The following CDH13 variants were observed in gnomAD, a reference collection of about 807,000 sequenced individuals.
The protein encoded by CDH13 is cadherin 13.
Under a neutral mutation model 63.8 loss-of-function variants are expected in CDH13, and 24 were observed. The ratio of observed to expected loss-of-function variants is 0.38; its 90% confidence interval spans 0.27 to 0.53. The LOEUF (loss-of-function observed/expected upper bound fraction) is 0.53, where lower values mean the gene tolerates loss of function less well. CDH13 is among the 20% of genes least tolerant of loss of function. The probability of loss-of-function intolerance (pLI) is 0.85; values close to 1 mark genes in which losing one functional copy is unlikely to be tolerated. For missense variants in CDH13, 1,049 were observed against 903.1 expected, an observed-to-expected ratio of 1.16 and a Z score of -2.07; for synonymous variants, 503 against 355.3, an observed-to-expected ratio of 1.42 and a Z score of -4.67.
At chr16:82,825,120 C>G (rs796326638) in intron 1 of CDH13, 9 of 152,272 alleles carry the variant, frequency 5.9e-5, no homozygotes, top group African/African-American at 2.2e-4. Context: ...AATCTCTCCA[C>G]TTTGATGTTT....
chr16:82,769,479 T>G (rs111527671), intron 1 of CDH13, among the ~76,000 whole-genome samples: 22 of 152,324 alleles, frequency 1.4e-4, no homozygotes, highest in African/African-American at 5.3e-4. Flanking sequence ...AAATAAAGGC[T>G]GATACCTCTG....
chr16:83,207,002 A>C (rs1441767626), intron 4 of CDH13, among the ~76,000 whole-genome samples: 3 of 152,248 alleles, frequency 2.0e-5, no homozygotes, highest in African/African-American at 7.2e-5. Flanking sequence ...TCTGGAAAGC[A>C]ACATAAAAGC....
intron 3 of CDH13, among the ~76,000 whole-genome samples, chr16:83,117,434 C>T (rs2035358687): frequency 6.6e-6 from 1 of 152,242 alleles, no homozygotes; most frequent in East Asian, 1.9e-4. Flanking sequence ...TCTTGCCTCC[C>T]TGTCTAAAAC....
chr16:83,689,205 C>T (rs1904605452), intron 10 of CDH13, among the ~76,000 whole-genome samples: 1 of 151,988 alleles, frequency 6.6e-6, no homozygotes, highest in African/African-American at 2.4e-5. Context: ...GAAATTAATC[C>T]TCAGAACCAA....
chr16:83,274,390 A>G (rs1056507719), intron 5 of CDH13, among the ~76,000 whole-genome samples: 3 of 152,090 alleles, frequency 2.0e-5, no homozygotes, highest in African/African-American at 4.8e-5. Flanking sequence ...GCCACTCATT[A>G]TTTGGCTCCT....
chr16:82,896,903 C>T (rs1257372434), intron 2 of CDH13, among the ~76,000 whole-genome samples: 1 of 151,326 alleles, frequency 6.6e-6, no homozygotes, highest in Admixed American at 6.6e-5. Context: ...GCCTCAGCCT[C>T]CCCAGTCGCT....
At chr16:83,386,230 A>G (rs184672020) in intron 6 of CDH13, among the ~76,000 whole-genome samples, 3 of 152,326 alleles carry the variant, frequency 2.0e-5, no homozygotes, top group Admixed American at 2.0e-4. Flanking sequence ...CCAGAGCCAC[A>G]TGGAGAAAAG....
intron 6 of CDH13, among the ~76,000 whole-genome samples, chr16:83,410,354 CTT>C (rs925073164): frequency 6.6e-6 from 1 of 152,102 alleles, no homozygotes; most frequent in Admixed American, 6.6e-5. Context: ...CTTTTTATCT[CTT>C]ATACAGCAAT....
chr16:82,793,447 A>G (rs963708546), intron 1 of CDH13, among the ~76,000 whole-genome samples: 7 of 127,398 alleles, frequency 5.5e-5, no homozygotes, highest in Admixed American at 1.5e-4. Flanking sequence ...TTCTTTATAG[A>G]GGTGAAAAAA....
At position 82,858,171 on chromosome 16, in the gene CDH13, A is replaced by T. The variant is rs148513149; in HGVS notation, c.46-191A>T. 6.8e-4 allele frequency among the ~76,000 whole-genome samples: 103 copies of T among 152,356 alleles called. No individual in the cohort carries two copies. In the East Asian group the frequency reaches 0.018, roughly 27 times the overall value. On this transcript the variant is annotated intron_variant, in intron 1 of 13. Coordinates refer to ENST00000567109, the MANE Select transcript of CDH13 (RefSeq NM_001257.5). ...TAATGGAAACTGCAGCAGCTGTTCC[A>T]TTTGCGTATTCTCCAAATCTCAGTG...
intron 10 of CDH13, among the ~76,000 whole-genome samples, chr16:83,716,362 A>C (rs1016246439): frequency 6.6e-6 from 1 of 152,120 alleles, no homozygotes; most frequent in African/African-American, 2.4e-5. Flanking sequence ...GCATGCATCC[A>C]CCATTGTAAT....
intron 7 of CDH13, among the ~76,000 whole-genome samples, chr16:83,495,277 G>A (rs1159118416): frequency 1.3e-5 from 2 of 152,188 alleles, no homozygotes; most frequent in African/African-American, 2.4e-5. Context: ...GGAAAGGCAG[G>A]ACAACTGGAG....
chr16:82,756,484 A>T (rs767016951), intron 1 of CDH13, among the ~76,000 whole-genome samples: 28 of 152,098 alleles, frequency 1.8e-4, no homozygotes, highest in Non-Finnish European at 3.7e-4. Flanking sequence ...CGGGGTGACT[A>T]GCTGTTAGTA....
chr16:83,346,519 G>C (rs962336009), intron 6 of CDH13, among the ~76,000 whole-genome samples: 1 of 152,206 alleles, frequency 6.6e-6, no homozygotes, highest in African/African-American at 2.4e-5. Context: ...CTAGAATTCA[G>C]ATGGGCTGGG....
chr16:83,613,030 T>A (rs1908990164), intron 8 of CDH13, among the ~76,000 whole-genome samples: 1 of 152,212 alleles, frequency 6.6e-6, no homozygotes, highest in Admixed American at 6.5e-5. Flanking sequence ...AATGTCTTTT[T>A]TGCCAGAATT....
chr16:83,335,055 G>T (rs1335623579), intron 5 of CDH13, among the ~76,000 whole-genome samples: 1 of 152,074 alleles, frequency 6.6e-6, no homozygotes, highest in Non-Finnish European at 1.5e-5. Context: ...ATCCATGGTG[G>T]AAAATATCAC....
At chr16:83,544,720 G>T (rs1363468292) in intron 7 of CDH13, among the ~76,000 whole-genome samples, 1 of 152,250 alleles carries the variant, frequency 6.6e-6, no homozygotes, top group South Asian at 2.1e-4. Context: ...TGAAATCATC[G>T]TAAGTCAGGG....
At chr16:83,009,152 A>G (rs991112465) in intron 2 of CDH13, among the ~76,000 whole-genome samples, 2 of 152,208 alleles carry the variant, frequency 1.3e-5, no homozygotes, top group Non-Finnish European at 2.9e-5. Context: ...GCCAAACCAG[A>G]TCATAGTCCA....
intron 1 of CDH13, among the ~76,000 whole-genome samples, chr16:82,666,667 G>A (rs1431039364): frequency 2.0e-5 from 3 of 152,156 alleles, no homozygotes; most frequent in Admixed American, 2.0e-4. Flanking sequence ...TGGTAACTGA[G>A]GCACGAAGAA....
Sources: gnomAD v4.1 joint callset for allele counts (sites outside exome capture counted in the v4.1 genomes callset) on GRCh38, gnomAD v4.1.1 for gene constraint, MANE v1.5 for transcripts, NCBI Gene and HGNC (gene_info 2026-07-23, HGNC 2026-07-21) for gene names.